The following THOC5 variants were observed in gnomAD, a reference collection of about 807,000 sequenced individuals.
THOC5 encodes THO complex subunit 5, also known as Fms-interacting protein.
Under a neutral mutation model 92.9 loss-of-function variants are expected in THOC5, and 43 were observed. That is an observed-to-expected ratio of 0.46 (90% CI 0.36 to 0.60). The LOEUF (loss-of-function observed/expected upper bound fraction) is 0.60. Among genes scored for constraint, THOC5 ranks in the 20% least tolerant of loss-of-function variants. THOC5 has a pLI of 0.00. For missense variants in THOC5, 659 were observed against 849.4 expected (o/e 0.78, Z 2.79); for synonymous variants, 296 against 320.1 (o/e 0.92, Z 0.80).
At chr22:29,514,418 G>T (rs531809635) in intron 17 of THOC5, among the ~76,000 whole-genome samples, 16 of 148,920 alleles carry the variant, frequency 1.1e-4, no homozygotes, top group Non-Finnish European at 1.9e-4. Context: ...CCGGGTTCAC[G>T]CCATTCTCCT....
chr22:29,539,221 G>A lies in THOC5; in HGVS notation c.599+109C>T, dbSNP rs529068460. The A allele has an allele frequency of 1.1e-4, 121 of 1,140,390 alleles. No homozygotes were observed. In the African/African-American group the frequency reaches 1.7e-3, roughly 16 times the overall value. 70.6% of individuals were successfully genotyped at this position (1,140,390 alleles called of 1,614,324 possible). On this transcript the variant is annotated intron_variant, in intron 6 of 19. Coordinates refer to ENST00000490103, the MANE Select transcript of THOC5 (RefSeq NM_003678.5). ...GTGATTTAATCATAAAATGGGATTT[G>A]GTCTTAGAAACTATTCTGAGAGTTG... is the stretch of plus-strand genomic sequence containing the variant.
At chr22:29,543,252 G>C (rs930781399) in intron 4 of THOC5, among the ~76,000 whole-genome samples, 177 bp downstream of exon 4, 2 of 150,732 alleles carry the variant, frequency 1.3e-5, no homozygotes, top group African/African-American at 4.9e-5. Flanking sequence ...GGAGGCTGAG[G>C]CAGGAGAATC....
intron 12 of THOC5, 48 bp downstream of exon 12, chr22:29,525,790 A>T (rs956733046): frequency 6.7e-7 from 1 of 1,497,394 alleles, no homozygotes; most frequent in Admixed American, 1.7e-5. Context: ...TGAGGCTCTC[A>T]TCACCTCCCC....
At chr22:29,518,465 T>C (rs1388519821) in intron 15 of THOC5, among the ~76,000 whole-genome samples, 3 of 152,272 alleles carry the variant, frequency 2.0e-5, no homozygotes, top group Non-Finnish European at 4.4e-5. Flanking sequence ...TGGCTCATCA[T>C]TATCACTTGG....
chr22:29,511,512 C>T (rs1278830672), intron 18 of THOC5: 4 of 543,506 alleles, frequency 7.4e-6, no homozygotes, highest in Non-Finnish European at 1.3e-5. Context: ...CTTTCCCTGC[C>T]TCATATGCCC....
intron 5 of THOC5, among the ~76,000 whole-genome samples, chr22:29,540,995 T>A (rs542471499): frequency 8.5e-5 from 13 of 152,134 alleles, no homozygotes; most frequent in African/African-American, 3.1e-4. Flanking sequence ...AATGGGTGCA[T>A]CATCTGAAGT....
chr22:29,531,108 G>C (rs2063645412), intron 8 of THOC5: 1 of 1,188,598 alleles, frequency 8.4e-7, no homozygotes. Flanking sequence ...GATTTCATAT[G>C]AGCTGATGAT....
At chr22:29,516,479 G>A (rs1393955387) in intron 17 of THOC5, among the ~76,000 whole-genome samples, 1 of 152,166 alleles carries the variant, frequency 6.6e-6, no homozygotes, top group Non-Finnish European at 1.5e-5. Context: ...GGCTTGCTGC[G>A]GCTTGGGTGG....
At chr22:29,538,800 GGAAAAAAAA>G (rs1449101183) in intron 6 of THOC5, among the ~76,000 whole-genome samples, 3 of 32,986 alleles carry the variant, frequency 9.1e-5, no homozygotes, top group African/African-American at 2.2e-4. Flanking sequence ...CCATCTCTTT[GGAAAAAAAA>G]AAAAAAAAAA....
intron 17 of THOC5, among the ~76,000 whole-genome samples, chr22:29,513,205 C>T (rs2063258987): frequency 6.6e-6 from 1 of 151,792 alleles, no homozygotes; most frequent in Non-Finnish European, 1.5e-5. Flanking sequence ...AAAAAATTAG[C>T]TGGGCGTGGT....
chr22:29,535,580 G>A (rs2063744028), intron 7 of THOC5, among the ~76,000 whole-genome samples: 1 of 152,022 alleles, frequency 6.6e-6, no homozygotes, highest in African/African-American at 2.4e-5. Context: ...CAGTTATTCT[G>A]TCAGTGGTTC....
intron 12 of THOC5, among the ~76,000 whole-genome samples, chr22:29,523,414 T>C (rs1435183597): frequency 6.6e-6 from 1 of 152,120 alleles, no homozygotes; most frequent in Non-Finnish European, 1.5e-5. Context: ...ACAACAGCCA[T>C]GATACAGTCC....
intron 17 of THOC5, among the ~76,000 whole-genome samples, chr22:29,512,513 A>G (rs1245116241): frequency 1.3e-5 from 2 of 152,224 alleles, no homozygotes; most frequent in Non-Finnish European, 2.9e-5. Flanking sequence ...TAATTTTTCA[A>G]CAATACTGTG....
At position 29,520,107 on chromosome 22, in the gene THOC5, G is replaced by A; in HGVS notation, c.1278-3C>T. ...CATAGTCGCTCAAAGTCAGGATGCTGCAGAAAAGAAGATAAATAAAATTGT... is the reference window on the plus strand; with the variant it reads ...CATAGTCGCTCAAAGTCAGGATGCTACAGAAAAGAAGATAAATAAAATTGT... On this transcript the variant is annotated splice_region_variant and splice_polypyrimidine_tract_variant and intron_variant, in intron 13 of 19. Coordinates refer to ENST00000490103, the MANE Select transcript of THOC5 (RefSeq NM_003678.5). 2 of 1,612,424 alleles carry A rather than the reference G, an allele frequency of 1.2e-6. No homozygotes were observed. The highest frequency in any genetic ancestry group is 8.5e-7 in the Non-Finnish European group (1 of 1,178,774).
intron 1 of THOC5, among the ~76,000 whole-genome samples, chr22:29,549,583 T>C (rs2064099987): frequency 6.6e-6 from 1 of 152,178 alleles, no homozygotes; most frequent in Non-Finnish European, 1.5e-5. Context: ...ACTGTCTAAA[T>C]TCTCTTTCTT....
intron 2 of THOC5, among the ~76,000 whole-genome samples, chr22:29,548,105 G>C (rs2064063441): frequency 6.6e-6 from 1 of 152,150 alleles, no homozygotes; most frequent in Admixed American, 6.5e-5. Context: ...CGGCCCCCAT[G>C]ATTCAATTAC....
At chr22:29,527,018 G>A (rs987377264) in intron 11 of THOC5, among the ~76,000 whole-genome samples, 4 of 152,206 alleles carry the variant, frequency 2.6e-5, no homozygotes, top group Non-Finnish European at 4.4e-5. Context: ...TAAGAGTGGT[G>A]TGGATCGCTG....
chr22:29,511,356 G>A (rs2146428967), intron 18 of THOC5, 60 bp from the exon 19 acceptor site: 1 of 1,555,536 alleles, frequency 6.4e-7, no homozygotes, highest in African/African-American at 1.3e-5. Flanking sequence ...GGACCACACT[G>A]GCCAGGCTTC....
Position 29,527,493 on chromosome 22 carries a change from A to C in THOC5, c.1066+585T>G, listed in dbSNP as rs146547115. Reference sequence around the variant, plus strand: ...TAGAGCCTATTTCCATTTGTGTAAAAAATAAAGTGGGAAGCAGATAAATAT... The same window carrying C: ...TAGAGCCTATTTCCATTTGTGTAAACAATAAAGTGGGAAGCAGATAAATAT... On this transcript the variant is annotated intron_variant, in intron 11 of 19. Transcript: ENST00000490103. Among the ~76,000 whole-genome samples the C allele has an allele frequency of 2.1e-4, 32 of 152,304 alleles. No individual in the cohort carries two copies. In the East Asian group the frequency reaches 6.0e-3, roughly 28 times the overall value.
Sources: allele counts gnomAD v4.1 joint callset (sites outside exome capture counted in the v4.1 genomes callset), GRCh38; gene constraint gnomAD v4.1.1; transcripts MANE v1.5; gene names NCBI Gene and HGNC (gene_info 2026-07-23, HGNC 2026-07-21).